The following ATOSA variants were observed in gnomAD, a reference collection of about 807,000 sequenced individuals.
ATOSA encodes atos homolog A, also known as atos homolog protein A.
the ATOSA span, among the ~76,000 whole-genome samples, chr15:52,626,164 T>C: frequency 6.6e-6 from 1 of 152,176 alleles, no homozygotes; most frequent in Non-Finnish European, 1.5e-5. Context: ...GTAAAATCAT[T>C]TGCCCAAGGC....
the ATOSA span, chr15:52,608,922 G>C: frequency 6.2e-7 from 1 of 1,606,712 alleles, no homozygotes; most frequent in South Asian, 1.1e-5. Context: ...TTGGATTATA[G>C]TTCTCATTTA....
chr15:52,618,131 C>T, the ATOSA span, among the ~76,000 whole-genome samples: 3 of 152,106 alleles, frequency 2.0e-5, no homozygotes, highest in African/African-American at 7.2e-5. Context: ...CTCTGCCTCC[C>T]AGGTTCACGC....
At chr15:52,687,400 GT>G in the ATOSA span, among the ~76,000 whole-genome samples, 2 of 152,032 alleles carry the variant, frequency 1.3e-5, no homozygotes, top group South Asian at 4.1e-4. Flanking sequence ...GCGAGACTCC[GT>G]CTCAAAAAAT....
chr15:52,589,517 G>C, the ATOSA span, among the ~76,000 whole-genome samples: 195 of 150,136 alleles, frequency 1.3e-3, no homozygotes, highest in African/African-American at 4.6e-3. Context: ...ATAGTTTTTA[G>C]AACACAGTAA....
chr15:52,592,299 A>C, the ATOSA span, among the ~76,000 whole-genome samples: 1 of 152,180 alleles, frequency 6.6e-6, no homozygotes, highest in Non-Finnish European at 1.5e-5. Flanking sequence ...TGCCTACAGT[A>C]ATCTGCATTT....
chr15:52,676,152 C>T, the ATOSA span, among the ~76,000 whole-genome samples: 1 of 152,068 alleles, frequency 6.6e-6, no homozygotes, highest in African/African-American at 2.4e-5. Flanking sequence ...AATGTCTCCA[C>T]ATATCATGAT....
At chr15:52,612,815 C>T in the ATOSA span, among the ~76,000 whole-genome samples, 20 of 152,004 alleles carry the variant, frequency 1.3e-4, no homozygotes, top group South Asian at 2.5e-3. Flanking sequence ...AAAATAGACA[C>T]GATTTTTAGA....
chr15:52,692,860 A>G, the ATOSA span, among the ~76,000 whole-genome samples: 118 of 151,260 alleles, frequency 7.8e-4, no homozygotes, highest in African/African-American at 2.8e-3. Context: ...TCTGTTGACC[A>G]GGCTGGCCTC....
the ATOSA span, among the ~76,000 whole-genome samples, chr15:52,608,132 C>G: frequency 6.6e-6 from 1 of 152,116 alleles, no homozygotes; most frequent in Non-Finnish European, 1.5e-5. Context: ...TCAAGTGATC[C>G]TTCTGCCTTG....
chr15:52,604,003 ATGATAAAGCCT>A, the ATOSA span, among the ~76,000 whole-genome samples: 5 of 152,242 alleles, frequency 3.3e-5, no homozygotes, highest in Non-Finnish European at 7.3e-5. Context: ...ACACAAAGAA[ATGATAAAGCCT>A]TGAAGTGATA....
At chr15:52,672,172 CAAAAAA>C in the ATOSA span, among the ~76,000 whole-genome samples, 45 of 62,552 alleles carry the variant, frequency 7.2e-4, no homozygotes, top group Admixed American at 2.9e-3. Context: ...CCCCATTTCT[CAAAAAA>C]AAAAAAAAAA....
At chr15:52,609,284 G>A in the ATOSA span, 63 of 1,613,774 alleles carry the variant, frequency 3.9e-5, no homozygotes, top group Non-Finnish European at 5.2e-5. Flanking sequence ...CATTTTGTGT[G>A]AGAAATGGAA....
chr15:52,702,779 C>CAAAAAAAAAAAAAAAAAAGAAAAA, the ATOSA span, among the ~76,000 whole-genome samples: 1 of 91,910 alleles, frequency 1.1e-5, no homozygotes, highest in African/African-American at 4.1e-5. Flanking sequence ...AAAGTGTTTC[C>CAAAAAAAAAAAAAAAAAAGAAAAA]AAAAAAAAAA....
At chr15:52,707,596 G>T in the ATOSA span, among the ~76,000 whole-genome samples, 1 of 152,130 alleles carries the variant, frequency 6.6e-6, no homozygotes, top group Non-Finnish European at 1.5e-5. Context: ...TTACTGTTCG[G>T]ACAAGTGAAA....
chr15:52,621,397 A>T, the ATOSA span, among the ~76,000 whole-genome samples: 3,515 of 152,348 alleles, frequency 0.023, 113 homozygotes, highest in African/African-American at 0.073. Context: ...AGTAACTCCT[A>T]TTAACTGAAA....
chr15:52,613,903 A>C, the ATOSA span: 1 of 1,505,226 alleles, frequency 6.6e-7, no homozygotes, highest in Non-Finnish European at 9.2e-7. Context: ...ATGTACTCTT[A>C]GTAAGAACTC....
the ATOSA span, among the ~76,000 whole-genome samples, chr15:52,615,229 G>T: frequency 6.6e-6 from 1 of 152,112 alleles, no homozygotes; most frequent in Admixed American, 6.5e-5. Flanking sequence ...TCTAATCTGT[G>T]GATTTTTTTC....
the ATOSA span, chr15:52,593,668 T>C: frequency 2.6e-6 from 4 of 1,559,910 alleles, no homozygotes; most frequent in African/African-American, 1.4e-5. Context: ...AAGCACCACT[T>C]GCCCCTACCT....
the ATOSA span, among the ~76,000 whole-genome samples, chr15:52,667,556 G>C: frequency 1.3e-5 from 2 of 152,222 alleles, no homozygotes; most frequent in African/African-American, 4.8e-5. Context: ...GGCCGTAAAT[G>C]TTTAACGGCT....
Sources: allele counts gnomAD v4.1 joint callset (sites outside exome capture counted in the v4.1 genomes callset), GRCh38; gene constraint gnomAD v4.1.1; transcripts MANE v1.5; gene names NCBI Gene and HGNC (gene_info 2026-07-23, HGNC 2026-07-21).